The following INSYN1 variants were observed in gnomAD, a reference collection of about 807,000 sequenced individuals.
The protein encoded by INSYN1 is inhibitory synaptic factor 1, also known as UPF0583 protein C15orf59.
In INSYN1, 7 loss-of-function variants were observed where a neutral mutation model predicts 17.1. That is an observed-to-expected ratio of 0.41 (90% CI 0.23 to 0.77). The LOEUF is 0.77. INSYN1 is among the 30% of genes least tolerant of loss of function. INSYN1 has a pLI of 0.32. For missense variants in INSYN1, 339 were observed against 400.6 expected, an observed-to-expected ratio of 0.85 and a Z score of 1.31; for synonymous variants, 174 against 166.3, an observed-to-expected ratio of 1.05 and a Z score of -0.36.
At chr15:73,750,909 G>A (rs1487444412) in intron 2 of INSYN1, 66 bp downstream of exon 2, 50 of 1,579,408 alleles carry the variant, frequency 3.2e-5, no homozygotes, top group Non-Finnish European at 3.9e-5. Context: ...TTATGAGTAC[G>A]TTTTTGTGCC....
chr15:73,746,527 C>T (rs886571123), intron 2 of INSYN1, among the ~76,000 whole-genome samples: 5 of 152,090 alleles, frequency 3.3e-5, no homozygotes, highest in African/African-American at 9.7e-5. Flanking sequence ...AGCCCCTTGC[C>T]GATGGGACTG....
At chr15:73,742,902 C>T (rs1439974554) in intron 2 of INSYN1, among the ~76,000 whole-genome samples, 1 of 152,186 alleles carries the variant, frequency 6.6e-6, no homozygotes, top group Non-Finnish European at 1.5e-5. Context: ...AAGGTGCCTA[C>T]CTAGTGTGCC....
chr15:73,746,368 C>G (rs1180636571), intron 2 of INSYN1, among the ~76,000 whole-genome samples: 1 of 152,112 alleles, frequency 6.6e-6, no homozygotes, highest in African/African-American at 2.4e-5. Context: ...AAAATCCACG[C>G]AATTCTTGCT....
Position 73,752,798 on chromosome 15 carries a change from A to C in INSYN1, c.-1256T>G, listed in dbSNP as rs1297471122. The stretch of plus-strand genomic sequence containing the variant: ...TCCACCGGGTCCCCGAGGAGGGGCG[A>C]TGTCAGCCGCGGGGACCCGGTCCCC... On this transcript the variant is annotated 5_prime_UTR_variant, in exon 1 of 3. Coordinates refer to ENST00000569673, the MANE Select transcript of INSYN1 (RefSeq NM_001039614.3). The surrounding 1 kb of genome is among the most constrained non-coding windows in gnomAD (Gnocchi z 5.2). 1 of 151,072 alleles carries C rather than the reference A, an allele frequency of 6.6e-6. No homozygotes were observed. Among genetic ancestry groups the C allele is most frequent in the Non-Finnish European group, 1.5e-5 (1 of 67,686 alleles). The allele number at this position is 151,072 out of a possible 1,614,324, so 9.4% of individuals were successfully genotyped here.
chr15:73,737,763 C>T lies in INSYN1; in HGVS notation c.*2154G>A, dbSNP rs544745846. The T allele has an allele frequency of 3.3e-5, 5 of 152,464 alleles. No individual in the cohort carries two copies. In the South Asian group the frequency reaches 8.3e-4, roughly 25 times the overall value. 9.4% of individuals were successfully genotyped at this position (152,464 alleles called of 1,614,324 possible). A position where few individuals can be genotyped will look rare whatever the true frequency, so the allele number is the denominator to read the frequency against. On this transcript the variant is annotated 3_prime_UTR_variant, in exon 3 of 3. Coordinates refer to ENST00000569673, the MANE Select transcript of INSYN1 (RefSeq NM_001039614.3). Reference sequence around the variant, plus strand: ...CCACAGCCGGGGCTGGATAGCACCTCTTCAGGCAGGAGCAGTGGGTGCTGC... The same window carrying T: ...CCACAGCCGGGGCTGGATAGCACCTTTTCAGGCAGGAGCAGTGGGTGCTGC...
At chr15:73,743,198 G>T (rs1901732957) in intron 2 of INSYN1, among the ~76,000 whole-genome samples, 1 of 152,230 alleles carries the variant, frequency 6.6e-6, no homozygotes, top group Admixed American at 6.5e-5. Context: ...GGGCCCAGAA[G>T]CTGGGTCTCC....
Position 73,739,869 on chromosome 15 carries a change from T to TA in INSYN1, c.*47_*48insT, listed in dbSNP as rs1567034841. On this transcript the variant is annotated 3_prime_UTR_variant, in exon 3 of 3. Transcript: ENST00000569673. ...TATATATATATATATATATATATAT[T>TA]TATTTATAGCTCTATGTGCCCACCG... is the stretch of plus-strand genomic sequence containing the variant. The TA allele has an allele frequency of 2.6e-4, 93 of 354,314 alleles. No individual in the cohort carries two copies. The highest frequency in any genetic ancestry group is 2.0e-3 in the African/African-American group (81 of 39,966). The allele number at this position is 354,314 out of a possible 1,614,324, so 21.9% of individuals were successfully genotyped here.
At chr15:73,744,212 A>G (rs918602567) in intron 2 of INSYN1, among the ~76,000 whole-genome samples, 10 of 152,194 alleles carry the variant, frequency 6.6e-5, no homozygotes, top group African/African-American at 2.4e-4. Context: ...TCTGCACCAA[A>G]GGAATGACCC....
intron 2 of INSYN1, among the ~76,000 whole-genome samples, chr15:73,748,607 G>C (rs1423616824): frequency 5.9e-5 from 9 of 152,210 alleles, no homozygotes; most frequent in Admixed American, 2.0e-4. Flanking sequence ...CAGCTTTACA[G>C]CTCCCTTGGA....
At chr15:73,743,410 C>T (rs936516549) in intron 2 of INSYN1, among the ~76,000 whole-genome samples, 2 of 152,178 alleles carry the variant, frequency 1.3e-5, no homozygotes, top group Non-Finnish European at 2.9e-5. Context: ...CCGAGTCCCA[C>T]GTCTGCCACC....
chr15:73,746,541 A>G (rs1276114632), intron 2 of INSYN1, among the ~76,000 whole-genome samples: 5 of 152,080 alleles, frequency 3.3e-5, no homozygotes, highest in Non-Finnish European at 7.4e-5. Flanking sequence ...GGGACTGCAC[A>G]ATGGAATGGC....
Position 73,740,083 on chromosome 15 carries a change from T to C in INSYN1, c.716A>G (p.Lys239Arg). The change falls in exon 3 of 3, where the codon AAG becomes AGG. Residue 239 changes from lysine (K) to arginine (R), a missense_variant. Transcript: ENST00000569673. ...GCTGGTCAGTGGAGAGCGCCGTGACTTGTAGGGGGCTGGGGAGGGCTTGTG... is the reference window on the plus strand; with the variant it reads ...GCTGGTCAGTGGAGAGCGCCGTGACCTGTAGGGGGCTGGGGAGGGCTTGTG... ...GPHKPSPAPY[K>R]SRRSPLTSRH... 4 of 1,613,652 alleles carry C rather than the reference T, an allele frequency of 2.5e-6. No individual in the cohort carries two copies. The South Asian group carries it at 4.4e-5, about 18-fold the overall frequency.
chr15:73,742,599 A>T (rs1901717718), intron 2 of INSYN1, among the ~76,000 whole-genome samples: 1 of 152,180 alleles, frequency 6.6e-6, no homozygotes, highest in Non-Finnish European at 1.5e-5. Context: ...GGCCCCCTGC[A>T]AAACTGCACA....
Position 73,737,875 on chromosome 15 carries a change from A to C in INSYN1, c.*2042T>G, listed in dbSNP as rs1209001039. The C allele has an allele frequency of 1.6e-4, 25 of 152,374 alleles. No individual in the cohort carries two copies. 9.4% of individuals were successfully genotyped at this position (152,374 alleles called of 1,614,324 possible). ...GAAATATGCAACAGGGAGGCCCCCA[A>C]GGAGCGATGTCTTTGCTGTGCTGCC... On this transcript the variant is annotated 3_prime_UTR_variant, in exon 3 of 3. Coordinates refer to ENST00000569673, the MANE Select transcript of INSYN1 (RefSeq NM_001039614.3).
rs1902040059 is a variant in INSYN1, at chr15:73,753,189, C to T, written c.-1647G>A. 6.9e-6 allele frequency among the ~76,000 whole-genome samples: 1 copy of T among 145,554 alleles called. No homozygotes were observed. The highest frequency in any genetic ancestry group is 2.0e-4 in the East Asian group (1 of 4,980). On this transcript the variant is annotated 5_prime_UTR_variant, in exon 1 of 3. Coordinates refer to ENST00000569673, the MANE Select transcript of INSYN1 (RefSeq NM_001039614.3). The surrounding 1 kb of genome is among the most constrained non-coding windows in gnomAD (Gnocchi z 4.2). ...CCCCGCCGGGCTCCCGGGGCCTGGG[C>T]CCGCTCCCCAAGCGCCGCGGCGCCG...
Position 73,737,378 on chromosome 15 carries a change from A to T in INSYN1, c.*2539T>A, listed in dbSNP as rs946573243. On this transcript the variant is annotated 3_prime_UTR_variant, in exon 3 of 3. Coordinates refer to ENST00000569673, the MANE Select transcript of INSYN1 (RefSeq NM_001039614.3). ...CCTGGTCGGGGACTGCCCCCTTCTCACTCTCAGGGTGGGGCGGAATGCAGC... is the reference window on the plus strand; with the variant it reads ...CCTGGTCGGGGACTGCCCCCTTCTCTCTCTCAGGGTGGGGCGGAATGCAGC... The T allele has an allele frequency of 6.6e-6, 1 of 152,088 alleles. No homozygotes were observed. The highest frequency in any genetic ancestry group is 2.4e-5 in the African/African-American group (1 of 41,390). 9.4% of individuals were successfully genotyped at this position (152,088 alleles called of 1,614,324 possible). A position where few individuals can be genotyped will look rare whatever the true frequency, so the allele number is the denominator to read the frequency against.
intron 2 of INSYN1, among the ~76,000 whole-genome samples, chr15:73,743,180 G>T (rs1321951972): frequency 2.0e-5 from 3 of 152,224 alleles, no homozygotes; most frequent in African/African-American, 7.2e-5. Context: ...GTCAGCTGAG[G>T]CCAGGCTGGG....
rs886179138 is a variant in INSYN1 at position 73,753,345 on chromosome 15, A to C, written c.-1803T>G. On this transcript the variant is annotated 5_prime_UTR_variant, in exon 1 of 3. Coordinates refer to ENST00000569673, the MANE Select transcript of INSYN1 (RefSeq NM_001039614.3). The surrounding 1 kb of genome is among the most constrained non-coding windows in gnomAD (Gnocchi z 4.2). ...CCGCTTGCCTCGGCGCTGTCAGGGA[A>C]GGGGCCGGCCCGCCGCGCCGGGAGG... Among the ~76,000 whole-genome samples, 8 of 150,354 alleles carry C rather than the reference A, an allele frequency of 5.3e-5. No individual in the cohort carries two copies. The highest frequency in any genetic ancestry group is 3.3e-4 in the Admixed American group (5 of 15,174).
chr15:73,747,341 G>C (rs1019937731), intron 2 of INSYN1, among the ~76,000 whole-genome samples: 14 of 152,144 alleles, frequency 9.2e-5, no homozygotes, highest in Non-Finnish European at 2.1e-4. Flanking sequence ...AGAAACTAAA[G>C]GGCCCCAGCC....
Sources: allele counts gnomAD v4.1 joint callset (sites outside exome capture counted in the v4.1 genomes callset), GRCh38; gene constraint gnomAD v4.1.1; non-coding constraint Gnocchi (gnomAD v3.1); transcripts MANE v1.5; gene names NCBI Gene and HGNC (gene_info 2026-07-23, HGNC 2026-07-21).